The following KIF4A variants were observed in gnomAD, a reference collection of about 807,000 sequenced individuals.
KIF4A encodes the protein chromosome-associated kinesin KIF4A.
Under a neutral mutation model 105.9 loss-of-function variants are expected in KIF4A, and 7 were observed. The ratio of observed to expected loss-of-function variants is 0.07; its 90% CI spans 0.04 to 0.12. KIF4A has a LOEUF of 0.12. Among genes scored for constraint, KIF4A ranks in the 10% least tolerant of loss-of-function variants. The pLI, the probability that KIF4A is intolerant of heterozygous loss-of-function variation, is 1.00. For synonymous variants in KIF4A, 281 were observed against 331.3 expected (o/e 0.85, Z 1.65); for missense variants, 558 against 929.2 (o/e 0.60, Z 5.19).
In KIF4A at chrX:70,353,780, A is replaced by G. The variant is rs1187148670; in HGVS notation, c.1647A>G (p.Gln549=). Residue 549 remains glutamine (Q), a synonymous_variant, in exon 15 of 31, where the codon CAA becomes CAG. Coordinates refer to ENST00000374403, the MANE Select transcript of KIF4A (RefSeq NM_012310.5). The part of the protein sequence containing the change: ...LARKMTQNDS[Q]LQPIQYQYQD... ...GGAAGATGACTCAGAATGACAGCCA[A>G]CTGCAGCCCATTCAGTACCAATACC... is the stretch of plus-strand genomic sequence containing the variant. 2.5e-6 allele frequency: 3 copies of G among 1,193,419 alleles called. No individual in the cohort carries two copies. Among genetic ancestry groups the G allele is most frequent in the Non-Finnish European group, 2.3e-6 (2 of 885,739 alleles).
intron 15 of KIF4A, among the ~76,000 whole-genome samples, chrX:70,365,316 G>A (rs1311856931): frequency 9.0e-6 from 1 of 111,557 alleles, no homozygotes; most frequent in Non-Finnish European, 1.9e-5. Context: ...TCCCTGTCTT[G>A]TGCCAGTTTT....
chrX:70,347,988 G>T (rs55884511), intron 13 of KIF4A, among the ~76,000 whole-genome samples: 2 of 43,766 alleles, frequency 4.6e-5, no homozygotes, highest in Admixed American at 2.5e-4. Context: ...AAAAAAAAAA[G>T]AATGATTTAG....
chrX:70,387,084 A>T (rs2086220586), intron 19 of KIF4A, 100 bp from the exon 20 acceptor site: 1 of 568,081 alleles, frequency 1.8e-6, no homozygotes, highest in South Asian at 3.2e-5. Context: ...TTCCTATAGG[A>T]ACTCAAACCC....
chrX:70,408,345 T>A (rs2086308634), intron 28 of KIF4A, among the ~76,000 whole-genome samples: 1 of 111,927 alleles, frequency 8.9e-6, no homozygotes, highest in Admixed American at 9.5e-5. Context: ...CAGAAAAAGC[T>A]AATAATTAAG....
intron 15 of KIF4A, among the ~76,000 whole-genome samples, chrX:70,373,827 T>TAC (rs201449631): frequency 0.56 from 16,234 of 28,746 alleles, 6,047 homozygotes; most frequent in Non-Finnish European, 0.79. Context: ...CACACACATG[T>TAC]ACACACACAC....
At chrX:70,414,991 C>G (rs1337328750) in intron 28 of KIF4A, among the ~76,000 whole-genome samples, 1 of 112,181 alleles carries the variant, frequency 8.9e-6, no homozygotes, top group South Asian at 3.7e-4. Flanking sequence ...GATCACTCAC[C>G]TCTTTTTTGT....
At chrX:70,394,056 G>A (rs1486374564) in intron 20 of KIF4A, among the ~76,000 whole-genome samples, 3 of 107,966 alleles carry the variant, frequency 2.8e-5, no homozygotes, top group Admixed American at 1.0e-4. Context: ...TGTAGAGATG[G>A]GGTTTCAACA....
At chrX:70,408,122 C>T (rs989519295) in intron 28 of KIF4A, among the ~76,000 whole-genome samples, 4 of 110,304 alleles carry the variant, frequency 3.6e-5, no homozygotes, top group Non-Finnish European at 7.6e-5. Context: ...TCCAGATGGA[C>T]CCCCGACCCA....
chrX:70,323,731 A>G (rs1263968511), intron 7 of KIF4A, among the ~76,000 whole-genome samples: 4 of 111,532 alleles, frequency 3.6e-5, no homozygotes, highest in Non-Finnish European at 7.5e-5. Flanking sequence ...CATTTTAAAA[A>G]CACATTTTTA....
At position 70,402,673 on chromosome X, in the gene KIF4A, C is replaced by T. The variant is rs1218235500; in HGVS notation, c.2597C>T (p.Ala866Val). 3 of 1,210,047 alleles carry T rather than the reference C, an allele frequency of 2.5e-6. No individual in the cohort carries two copies. The East Asian group carries it at 8.9e-5, about 36-fold the overall frequency. ...NIATILEAKC[A>V]LKYLIGELVS... ...GCCACCATTCTGGAAGCCAAGTGTG[C>T]CCTGAAATATTTGATTGGAGAGGTA... The change falls in exon 23 of 31, where the codon GCC becomes GTC. Residue 866 changes from alanine (A) to valine (V), a missense_variant. Physicochemically the swap from Ala to Val is moderately conservative, Grantham distance 64. Around this residue, in one of 2 missense-constraint regions of KIF4A, gnomAD observed 469 missense variants for 680.4 expected, o/e 0.69. Coordinates refer to ENST00000374403, the MANE Select transcript of KIF4A (RefSeq NM_012310.5).
chrX:70,374,035 G>A (rs747377825), intron 15 of KIF4A, 116 bp from the exon 16 acceptor site: 6 of 355,370 alleles, frequency 1.7e-5, no homozygotes, highest in East Asian at 8.9e-5. Context: ...TGTTTTCAGC[G>A]TGCAGTTGAA....
chrX:70,332,749 C>T (rs145475398), intron 9 of KIF4A, among the ~76,000 whole-genome samples: 196 of 110,552 alleles, frequency 1.8e-3, no homozygotes, highest in Middle Eastern at 0.014. Context: ...AGTGGGAATC[C>T]AAAGCACATG....
At chrX:70,384,253 A>G (rs2086208480) in intron 18 of KIF4A, among the ~76,000 whole-genome samples, 1 of 112,099 alleles carries the variant, frequency 8.9e-6, no homozygotes, top group South Asian at 3.7e-4. Context: ...GATTTTAATC[A>G]TAATTAATGC....
intron 28 of KIF4A, among the ~76,000 whole-genome samples, 185 bp from the exon 29 acceptor site, chrX:70,417,703 A>G (rs1416597397): frequency 8.9e-6 from 1 of 112,472 alleles, no homozygotes; most frequent in Non-Finnish European, 1.9e-5. Context: ...TGTTCTCTTT[A>G]AACCTATGAC....
intron 10 of KIF4A, among the ~76,000 whole-genome samples, chrX:70,339,492 A>C (rs1315502774): frequency 8.9e-6 from 1 of 112,572 alleles, no homozygotes; most frequent in Non-Finnish European, 1.9e-5. Context: ...ATTGTCTAGA[A>C]TGTGCTAAAG....
chrX:70,408,122 C>A (rs989519295), intron 28 of KIF4A, among the ~76,000 whole-genome samples: 1 of 110,304 alleles, frequency 9.1e-6, no homozygotes, highest in African/African-American at 3.3e-5. Context: ...TCCAGATGGA[C>A]CCCCGACCCA....
intron 18 of KIF4A, 139 bp from the exon 19 acceptor site, chrX:70,386,479 C>T (rs1733801750): frequency 2.2e-6 from 1 of 447,248 alleles, no homozygotes. Context: ...GAGTTTTTGA[C>T]TCATATGAGA....
At chrX:70,317,939 G>C (rs558019070) in intron 7 of KIF4A, among the ~76,000 whole-genome samples, 1 of 105,247 alleles carries the variant, frequency 9.5e-6, no homozygotes, top group East Asian at 3.0e-4. Context: ...GTGCAGTGGC[G>C]TGATGTTGGG....
At chrX:70,340,049 T>TG (rs2147697050) in intron 10 of KIF4A, among the ~76,000 whole-genome samples, 1 of 111,301 alleles carries the variant, frequency 9.0e-6, no homozygotes, top group East Asian at 2.8e-4. Context: ...AGTACCTATC[T>TG]CTGTAGTCAG....
Sources: gnomAD v4.1 joint callset for allele counts (sites outside exome capture counted in the v4.1 genomes callset) on GRCh38, gnomAD v4.1.1 for gene constraint, gnomAD v4.1.1 regional missense constraint, MANE v1.5 for transcripts, NCBI Gene and HGNC (gene_info 2026-07-23, HGNC 2026-07-21) for gene names.